ANO3: variants seen among roughly 807,000 people sequenced by gnomAD.
ANO3 encodes anoctamin 3.
ANO3 carries 99 observed loss-of-function variants against 144.8 expected under a neutral mutation model. The observed-to-expected ratio is 0.68, with a 90% CI of 0.58 to 0.81. The LOEUF is 0.81. Ranked by LOEUF, ANO3 falls within the 30% of genes least tolerant of loss-of-function variation. ANO3 has a pLI of 0.00. For missense variants in ANO3, 905 were observed against 1,202.2 expected (o/e 0.75, Z 3.66); for synonymous variants, 414 against 392.6 (o/e 1.05, Z -0.64).
chr11:26,341,093 G>C (rs1157381525), intron 1 of ANO3, among the ~76,000 whole-genome samples: 1 of 145,234 alleles, frequency 6.9e-6, no homozygotes, highest in African/African-American at 2.6e-5. Flanking sequence ...TCCCCTCCCC[G>C]CTTCTCTTCC....
chr11:26,530,854 C>T lies in ANO3; in HGVS notation c.738-351C>T, dbSNP rs147813481. On this transcript the variant is annotated intron_variant, in intron 7 of 26. Coordinates refer to ENST00000256737, the MANE Select transcript of ANO3 (RefSeq NM_031418.4). ...ACTGGACTCCAGCCAGGTGACAGAGCGAGACTGTCTCAAAGAAAAAAAACA... is the reference window on the plus strand; with the variant it reads ...ACTGGACTCCAGCCAGGTGACAGAGTGAGACTGTCTCAAAGAAAAAAAACA... Among the ~76,000 whole-genome samples, 620 of 151,928 alleles carry T rather than the reference C, an allele frequency of 4.1e-3. 1 individual carries two copies. The highest frequency in any genetic ancestry group is 0.014 in the African/African-American group (594 of 41,414).
upstream of ANO3, among the ~76,000 whole-genome samples, chr11:26,306,673 A>AG (rs1287605682): frequency 3.3e-5 from 5 of 152,130 alleles, no homozygotes; most frequent in African/African-American, 1.2e-4. Flanking sequence ...CTAAAAAAAA[A>AG]GAAAACATAT....
intron 23 of ANO3, among the ~76,000 whole-genome samples, chr11:26,645,793 T>C (rs1349040076): frequency 6.6e-6 from 1 of 151,994 alleles, no homozygotes; most frequent in Non-Finnish European, 1.5e-5. Flanking sequence ...ATGCAGCAAA[T>C]CACCATGGCA....
rs12277424 is a variant in ANO3 at position 26,237,579 on chromosome 11, T to C, written c.154+48249T>C. Among the ~76,000 whole-genome samples, 858 of 151,986 alleles carry C rather than the reference T, an allele frequency of 5.6e-3. 7 individuals carry two copies. Among genetic ancestry groups the C allele is most frequent in the African/African-American group, 0.02 (811 of 41,536 alleles). ...TTTTAAAAAATGATTCTAAAATGTATCTGAAGATTTTGTTCTTCTAAATAA... is the reference window on the plus strand; with the variant it reads ...TTTTAAAAAATGATTCTAAAATGTACCTGAAGATTTTGTTCTTCTAAATAA... On this transcript the variant is annotated intron_variant, in intron 1 of 27. Coordinates refer to the ANO3 transcript ENST00000672621.
intron 13 of ANO3, among the ~76,000 whole-genome samples, chr11:26,557,227 C>T (rs139504179): frequency 3.0e-4 from 46 of 152,022 alleles, no homozygotes; most frequent in African/African-American, 8.7e-4. Flanking sequence ...TTTGGGAGGC[C>T]GAGGCGGGCG....
intron 1 of ANO3, among the ~76,000 whole-genome samples, chr11:26,417,608 G>C (rs887347919): frequency 1.3e-5 from 2 of 152,042 alleles, no homozygotes; most frequent in Non-Finnish European, 2.9e-5. Flanking sequence ...AGTGGTACCT[G>C]TAGGTTACTG....
Position 26,613,415 on chromosome 11 carries a change from G to T in ANO3, c.1837-11047G>T, listed in dbSNP as rs73434392. ...TTTTTCGGATTTCATTGAATCATTT[G>T]TCTGTGCTGTCTTGTATCTCACTGC... On this transcript the variant is annotated intron_variant, in intron 17 of 26. Transcript: ENST00000256737. Among the ~76,000 whole-genome samples the T allele has an allele frequency of 2.5e-4, 38 of 152,076 alleles. 1 individual carries two copies. Among genetic ancestry groups the T allele is most frequent in the African/African-American group, 8.7e-4 (36 of 41,482 alleles).
chr11:26,377,390 T>A (rs1286012935), intron 1 of ANO3, among the ~76,000 whole-genome samples: 1 of 152,064 alleles, frequency 6.6e-6, no homozygotes, highest in Non-Finnish European at 1.5e-5. Flanking sequence ...AGGAACCACA[T>A]GAGCATATTC....
In ANO3 at chr11:26,599,734, T is replaced by A. The variant is rs1851738018; in HGVS notation, c.1836+20T>A. ...AATCTTGTAAGTGTCTATAATGTTA[T>A]TCTTCAGTAGACAAAAAAGGGGTGG... On this transcript the variant is annotated intron_variant, in intron 17 of 26. Coordinates refer to ENST00000256737, the MANE Select transcript of ANO3 (RefSeq NM_031418.4). The A allele has an allele frequency of 6.2e-7, 1 of 1,604,108 alleles. No individual in the cohort carries two copies.
intron 14 of ANO3, among the ~76,000 whole-genome samples, chr11:26,593,369 G>C (rs900844829): frequency 7.2e-5 from 11 of 152,116 alleles, no homozygotes; most frequent in Non-Finnish European, 1.0e-4. Flanking sequence ...AAGTTCCCCA[G>C]TCACAACTTA....
chr11:26,326,183 A>G lies in ANO3; in HGVS notation c.-3+16464A>G, dbSNP rs1854878432. On this transcript the variant is annotated intron_variant, in intron 1 of 26. Transcript: ENST00000525139. The stretch of plus-strand genomic sequence containing the variant: ...TACATTTATTTTTATAACATAAATA[A>G]TGCATATTTGATGGTTAGAATGACC... Among the ~76,000 whole-genome samples the G allele has an allele frequency of 2.0e-5, 3 of 152,258 alleles. No homozygotes were observed. In the South Asian group the frequency reaches 6.2e-4, roughly 32 times the overall value.
At chr11:26,394,778 G>A (rs953603766) in intron 1 of ANO3, among the ~76,000 whole-genome samples, 2 of 151,848 alleles carry the variant, frequency 1.3e-5, no homozygotes, top group African/African-American at 4.8e-5. Flanking sequence ...GTTTCACCAT[G>A]TTGGCCAGGC....
In ANO3 at chr11:26,608,472, G is replaced by A. The variant is rs1454141209; in HGVS notation, c.1836+8758G>A. On this transcript the variant is annotated intron_variant, in intron 17 of 26. Coordinates refer to ENST00000256737, the MANE Select transcript of ANO3 (RefSeq NM_031418.4). ...GAAGCACTTTTACTGTCCCTTGGTG[G>A]AGGGGGTGTGCTTTGCTGGAGGGGA... Among the ~76,000 whole-genome samples the A allele has an allele frequency of 6.6e-5, 10 of 152,268 alleles. No homozygotes were observed. The South Asian group carries it at 1.0e-3, about 16-fold the overall frequency.
At chr11:26,473,914 A>T (rs1227907973) in intron 4 of ANO3, 1 of 984,594 alleles carries the variant, frequency 1.0e-6, no homozygotes, top group Non-Finnish European at 1.2e-6. Context: ...ATGATTATTC[A>T]AACTCTGGCA....
At chr11:26,233,328 C>A (rs55672030) in intron 1 of ANO3, among the ~76,000 whole-genome samples, 7,338 of 151,788 alleles carry the variant, frequency 0.048, 245 homozygotes, top group Non-Finnish European at 0.068. Flanking sequence ...ATGTGGCCAA[C>A]AAACATGAAA....
chr11:26,373,082 G>A (rs1323633514), intron 1 of ANO3, among the ~76,000 whole-genome samples: 2 of 151,966 alleles, frequency 1.3e-5, no homozygotes, highest in Admixed American at 1.3e-4. Context: ...TGAATGCATG[G>A]CAATTATGTA....
intron 9 of ANO3, among the ~76,000 whole-genome samples, chr11:26,536,861 C>T (rs1010120603): frequency 6.6e-5 from 10 of 152,194 alleles, no homozygotes; most frequent in African/African-American, 2.4e-4. Context: ...AGTATCTGTT[C>T]TTACCAGGAG....
In ANO3 at chr11:26,553,223, TGTTTTTG is replaced by T. The variant is rs748159891; in HGVS notation, c.1290-25_1290-19del. The T allele has an allele frequency of 3.9e-5, 47 of 1,217,376 alleles. 3 individuals carry two copies. The highest frequency in any genetic ancestry group is 5.1e-5 in the East Asian group (2 of 39,324). The allele number at this position is 1,217,376 out of a possible 1,614,324, so 75.4% of individuals were successfully genotyped here. On this transcript the variant is annotated intron_variant, in intron 12 of 26. Transcript: ENST00000256737. ...CACAGTTTCATGCTATGTTTTGTTT[TGTTTTTG>T]TTTTTGTTTTTTCTCAAGCCAAGAA...
chr11:26,207,062 G>A (rs966930593), intron 1 of ANO3, among the ~76,000 whole-genome samples: 1 of 151,942 alleles, frequency 6.6e-6, no homozygotes, highest in African/African-American at 2.4e-5. Flanking sequence ...AAATGGGAAG[G>A]GATTAGTCAA....
Sources: allele counts gnomAD v4.1 joint callset (sites outside exome capture counted in the v4.1 genomes callset), GRCh38; gene constraint gnomAD v4.1.1; transcripts MANE v1.5; gene names NCBI Gene and HGNC (gene_info 2026-07-23, HGNC 2026-07-21).